The following PGM3 variants were observed in gnomAD, a reference collection of about 807,000 sequenced individuals.
PGM3 encodes the protein phosphoacetylglucosamine mutase.
A neutral mutation model predicts 66.2 loss-of-function variants in PGM3; 40 were observed. That is an observed-to-expected ratio of 0.60 (90% CI 0.47 to 0.79). PGM3 has a LOEUF of 0.79. PGM3 is among the 30% of genes least tolerant of loss of function. The pLI, the probability that PGM3 is intolerant of heterozygous loss-of-function variation, is 0.00. For missense variants in PGM3, 537 were observed against 643.4 expected, an observed-to-expected ratio of 0.83 and a Z score of 1.79; for synonymous variants, 191 against 224.2, an observed-to-expected ratio of 0.85 and a Z score of 1.32.
chr6:83,170,793 G>A (rs779890944), intron 11 of PGM3: 2 of 203,776 alleles, frequency 9.8e-6, no homozygotes, highest in Non-Finnish European at 2.0e-5. Flanking sequence ...CATTATATAA[G>A]AAGACCGATA....
chr6:83,168,605 C>T lies in PGM3; in HGVS notation c.*629G>A. On this transcript the variant is annotated 3_prime_UTR_variant, in exon 13 of 13. Transcript: ENST00000513973. ...AAACGTATTATAATTAGTTTTTCTC[C>T]CACATACCTTCACCAAGAGCAGTGA... 1 of 997,154 alleles carries T rather than the reference C, an allele frequency of 1.0e-6. No homozygotes were observed. Among genetic ancestry groups the T allele is most frequent in the Non-Finnish European group, 1.2e-6 (1 of 837,434 alleles). 61.8% of individuals were successfully genotyped at this position (997,154 alleles called of 1,614,324 possible). A position where few individuals can be genotyped will look rare whatever the true frequency, so the allele number is the denominator to read the frequency against.
At chr6:83,188,950 A>G in intron 2 of PGM3, 152 bp from the exon 3 acceptor site, 2 of 598,782 alleles carry the variant, frequency 3.3e-6, no homozygotes, top group Admixed American at 2.9e-5. Flanking sequence ...ACCCTGGATT[A>G]GGTATTTTAT....
rs1785500474 is a variant in PGM3 at position 83,166,204 on chromosome 6, A to G, written c.*3030T>C. The G allele has an allele frequency of 3.9e-6, 2 of 509,192 alleles. No individual in the cohort carries two copies. The highest frequency in any genetic ancestry group is 6.9e-6 in the Non-Finnish European group (2 of 289,238). The allele number at this position is 509,192 out of a possible 1,614,324, so 31.5% of individuals were successfully genotyped here. A position where few individuals can be genotyped will look rare whatever the true frequency, so the allele number is the denominator to read the frequency against. ...TTTATTGAGCTTTTTCACCTTTTCA[A>G]TTTGCTTCAAATGCCGAACGACCAT... On this transcript the variant is annotated 3_prime_UTR_variant, in exon 13 of 13. Transcript: ENST00000513973.
At chr6:83,155,182 C>T in the PGM3 span, among the ~76,000 whole-genome samples, 1 of 151,922 alleles carries the variant, frequency 6.6e-6, no homozygotes, top group African/African-American at 2.4e-5. Flanking sequence ...CAAAGGTTGG[C>T]TGGGTGCAGT....
Position 83,172,612 on chromosome 6 carries a change from T to C in PGM3, c.1243-553A>G, listed in dbSNP as rs374613483. On this transcript the variant is annotated intron_variant, in intron 10 of 12. Coordinates refer to ENST00000513973, the MANE Select transcript of PGM3 (RefSeq NM_015599.3). ...AGGCAGAGGTTGCAGTGAGCCAAGA[T>C]TGCGCCACTGCACTCCAGCGTGGGC... 5.1e-4 allele frequency among the ~76,000 whole-genome samples: 77 copies of C among 151,118 alleles called. 1 individual carries two copies. The East Asian group carries it at 6.2e-3, about 12-fold the overall frequency.
At position 83,168,005 on chromosome 6, in the gene PGM3, A is replaced by G. The variant is rs1357252851; in HGVS notation, c.*1229T>C. 1 of 1,614,092 alleles carries G rather than the reference A, an allele frequency of 6.2e-7. No individual in the cohort carries two copies. The highest frequency in any genetic ancestry group is 2.2e-5 in the East Asian group (1 of 44,876). On this transcript the variant is annotated 3_prime_UTR_variant, in exon 13 of 13. Coordinates refer to ENST00000513973, the MANE Select transcript of PGM3 (RefSeq NM_015599.3). ...GTCAAGTCTTCAACAGCAAAGTCAC[A>G]AGCCGATGTGGAGGACACTCAGGGA...
chr6:83,174,933 T>C (rs1358884443), intron 9 of PGM3, among the ~76,000 whole-genome samples: 1 of 152,200 alleles, frequency 6.6e-6, no homozygotes, highest in Non-Finnish European at 1.5e-5. Context: ...TAAGAGTTCA[T>C]AGTATTCATC....
chr6:83,179,724 G>A, intron 7 of PGM3, 86 bp downstream of exon 7: 1 of 999,456 alleles, frequency 1.0e-6, no homozygotes, highest in Admixed American at 2.5e-5. Context: ...GTCATAAATT[G>A]TGCCCTTCTG....
the PGM3 span, chr6:83,148,712 A>C: frequency 7.8e-7 from 1 of 1,286,344 alleles, no homozygotes. Flanking sequence ...AACTAGTAGA[A>C]AACCATAGTT....
At position 83,171,969 on chromosome 6, in the gene PGM3, T is replaced by C; in HGVS notation, c.1333A>G (p.Thr445Ala). Residue 445 changes from threonine (T) to alanine (A), a missense_variant, in exon 11 of 13, where the codon ACA becomes GCA. By Grantham distance (58) the Thr-to-Ala change is moderately conservative (BLOSUM62 0). Transcript: ENST00000513973. ...LTVQQWDALY[T>A]DLPNRQLKVQ... is the part of the protein sequence containing the mutation. The stretch of plus-strand genomic sequence containing the variant: ...TTAAGTTGTCTGTTTGGAAGATCTG[T>C]ATAGAGAGCATCCCACTGTTGTACA... The C allele has an allele frequency of 1.9e-6, 3 of 1,613,550 alleles. No individual in the cohort carries two copies. The highest frequency in any genetic ancestry group is 2.5e-6 in the Non-Finnish European group (3 of 1,179,452).
At chr6:83,189,533 C>T (rs1257225760) in intron 2 of PGM3, among the ~76,000 whole-genome samples, 2 of 152,200 alleles carry the variant, frequency 1.3e-5, no homozygotes, top group African/African-American at 2.4e-5. Context: ...TTTGGACAAG[C>T]AATGCCCTTG....
At chr6:83,187,160 T>C in intron 3 of PGM3, 85 bp from the exon 4 acceptor site, 2 of 811,092 alleles carry the variant, frequency 2.5e-6, no homozygotes, top group Admixed American at 4.1e-5. Flanking sequence ...AAAAATTACA[T>C]GCTACAAATT....
the PGM3 span, among the ~76,000 whole-genome samples, chr6:83,149,631 GT>G: frequency 2.6e-5 from 4 of 152,148 alleles, no homozygotes; most frequent in Admixed American, 6.5e-5. Flanking sequence ...GCGGTTGCAG[GT>G]TTTTGAGGAG....
chr6:83,182,766 C>T (rs2128498356), intron 5 of PGM3, 79 bp downstream of exon 5: 1 of 1,326,672 alleles, frequency 7.5e-7, no homozygotes, highest in South Asian at 1.3e-5. Context: ...GGAGGCATGA[C>T]AAACAAGATA....
upstream of PGM3, chr6:83,193,712 C>G (rs550928579): frequency 1.3e-5 from 2 of 153,190 alleles, no homozygotes; most frequent in Admixed American, 6.5e-5. Context: ...AGGTCATCTC[C>G]CAAACCTTTG....
chr6:83,172,368 C>G (rs559135110), intron 10 of PGM3, among the ~76,000 whole-genome samples: 2 of 152,242 alleles, frequency 1.3e-5, no homozygotes, highest in Admixed American at 6.5e-5. Flanking sequence ...TGCCTGTGAA[C>G]AGCCAATGCA....
chr6:83,171,416 G>A (rs1239713703), intron 11 of PGM3: 21 of 152,062 alleles, frequency 1.4e-4, no homozygotes, highest in Admixed American at 1.4e-3. Flanking sequence ...ACAGACAATA[G>A]AATGTTAAGT....
chr6:83,183,921 G>C (rs1474352893), intron 4 of PGM3, among the ~76,000 whole-genome samples: 1 of 151,876 alleles, frequency 6.6e-6, no homozygotes, highest in Non-Finnish European at 1.5e-5. Flanking sequence ...TCATCATGTT[G>C]GCCAGACTGG....
chr6:83,189,264 G>A (rs532752365), intron 2 of PGM3, among the ~76,000 whole-genome samples: 1 of 152,146 alleles, frequency 6.6e-6, no homozygotes, highest in South Asian at 2.1e-4. Context: ...CTATGACTCG[G>A]AACTCCAAGA....
Sources: allele counts gnomAD v4.1 joint callset (sites outside exome capture counted in the v4.1 genomes callset), GRCh38; gene constraint gnomAD v4.1.1; transcripts MANE v1.5; gene names NCBI Gene and HGNC (gene_info 2026-07-23, HGNC 2026-07-21).